The following ACBD3 variants were observed in gnomAD, a reference collection of about 807,000 sequenced individuals.
The protein encoded by ACBD3 is Golgi resident protein GCP60.
Under a neutral mutation model 66.9 loss-of-function variants are expected in ACBD3, and 30 were observed. The observed-to-expected ratio is 0.45, with a 90% CI of 0.34 to 0.61. The LOEUF (loss-of-function observed/expected upper bound fraction) is 0.61. Among genes scored for constraint, ACBD3 ranks in the 20% least tolerant of loss-of-function variants. The pLI is 0.02. For synonymous variants in ACBD3, 278 were observed against 259.8 expected (o/e 1.07, Z -0.68); for missense variants, 544 against 664.5 (o/e 0.82, Z 1.99).
chr1:226,147,456 C>T (rs963792139), intron 7 of ACBD3, among the ~76,000 whole-genome samples: 5 of 152,158 alleles, frequency 3.3e-5, no homozygotes, highest in Non-Finnish European at 7.3e-5. Context: ...CTTTCCATAG[C>T]CATTCAATTC....
chr1:226,182,027 T>G (rs1320390833), intron 1 of ACBD3, among the ~76,000 whole-genome samples: 1 of 151,682 alleles, frequency 6.6e-6, no homozygotes, highest in Admixed American at 6.6e-5. Flanking sequence ...GCTCAGGAGC[T>G]AAAGACCAGC....
At chr1:226,183,777 G>A (rs1275987202) in intron 1 of ACBD3, among the ~76,000 whole-genome samples, 49 of 151,808 alleles carry the variant, frequency 3.2e-4, no homozygotes, top group Admixed American at 6.6e-5. Flanking sequence ...TCAGCTACTC[G>A]GGAGGCAGAG....
intron 1 of ACBD3, among the ~76,000 whole-genome samples, chr1:226,168,837 G>C (rs1057069206): frequency 6.6e-6 from 1 of 152,074 alleles, no homozygotes; most frequent in South Asian, 2.1e-4. Flanking sequence ...AATTATTAGA[G>C]AAACACAGCC....
intron 1 of ACBD3, among the ~76,000 whole-genome samples, chr1:226,182,116 A>G (rs1019723977): frequency 3.3e-5 from 5 of 152,086 alleles, no homozygotes; most frequent in African/African-American, 1.2e-4. Flanking sequence ...CTGTGGTCCC[A>G]GTCACACAGG....
chr1:226,146,759 C>A lies in ACBD3; in HGVS notation c.1438G>T (p.Val480Leu). The A allele has an allele frequency of 6.2e-7, 1 of 1,614,162 alleles. No individual in the cohort carries two copies. Among genetic ancestry groups the A allele is most frequent in the Non-Finnish European group, 8.5e-7 (1 of 1,180,030 alleles). ...NANKPLLDEI[V>L]PVYRRDCHEE... ...TGACAGTCCCGTCGGTACACAGGCA[C>A]AATCTCATCCAGCAAAGGCTTGTTG... Residue 480 changes from valine (V) to leucine (L), a missense_variant, in exon 8 of 8, where the codon GTG (valine) becomes TTG (leucine). Physicochemically the swap from Val to Leu is conservative, Grantham distance 32. Coordinates refer to ENST00000366812, the MANE Select transcript of ACBD3 (RefSeq NM_022735.4).
Position 226,152,602 on chromosome 1 carries a change from C to T in ACBD3, c.1108G>A (p.Ala370Thr). ...GGTCGTGTCCACATGGATGGAGCTG[C>T]TATTACTGGAAGAGATTCTAAAGGC... ...NGPKESLPVIAAPSMWTRPQI... is the reference protein window; with the variant it reads ...NGPKESLPVITAPSMWTRPQI... Residue 370 changes from alanine (A) to threonine (T), a missense_variant, in exon 7 of 8, where the codon GCA becomes ACA. Ala to Thr is a moderately conservative substitution (Grantham distance 58). This residue lies in a region of ACBD3 where 383 missense variants were observed against 462.4 expected (regional missense o/e 0.83). Transcript: ENST00000366812. 1.2e-6 allele frequency: 2 copies of T among 1,613,908 alleles called. No homozygotes were observed. The highest frequency in any genetic ancestry group is 1.7e-6 in the Non-Finnish European group (2 of 1,179,898).
intron 1 of ACBD3, among the ~76,000 whole-genome samples, chr1:226,174,681 G>A (rs544400408): frequency 1.1e-4 from 17 of 152,076 alleles, no homozygotes; most frequent in Non-Finnish European, 2.2e-4. Context: ...CAGGAGAATC[G>A]CCTGAACCCG....
At position 226,166,145 on chromosome 1, in the gene ACBD3, T is replaced by G. The variant is rs181932955; in HGVS notation, c.287-145A>C. ...ACTAATAGTGAAATTTTTATTTCAA[T>G]TACTACTTTTAAAAAATTTTTTTAT... On this transcript the variant is annotated intron_variant, in intron 1 of 7. Transcript: ENST00000366812. 480 of 980,134 alleles carry G rather than the reference T, an allele frequency of 4.9e-4. 1 individual carries two copies. The highest frequency in any genetic ancestry group is 1.1e-3 in the Admixed American group (31 of 29,196). The allele number at this position is 980,134 out of a possible 1,614,324, so 60.7% of individuals were successfully genotyped here.
At chr1:226,175,441 A>G (rs1162863537) in intron 1 of ACBD3, among the ~76,000 whole-genome samples, 1 of 152,204 alleles carries the variant, frequency 6.6e-6, no homozygotes, top group Admixed American at 6.5e-5. Context: ...CACAAACACT[A>G]AGACTGATTC....
intron 5 of ACBD3, among the ~76,000 whole-genome samples, chr1:226,157,241 G>T (rs1030298716): frequency 4.8e-5 from 3 of 62,284 alleles, no homozygotes; most frequent in African/African-American, 2.1e-4. Context: ...CTCAATTATG[G>T]ATTTTTTTTT....
In ACBD3 at chr1:226,145,121, T is replaced by G. The variant is rs2102770444; in HGVS notation, c.*1489A>C. The G allele has an allele frequency of 6.6e-6, 1 of 151,708 alleles. No homozygotes were observed. The highest frequency in any genetic ancestry group is 1.5e-5 in the Non-Finnish European group (1 of 67,832). 9.4% of individuals were successfully genotyped at this position (151,708 alleles called of 1,614,324 possible). A position where few individuals can be genotyped will look rare whatever the true frequency, so the allele number is the denominator to read the frequency against. On this transcript the variant is annotated 3_prime_UTR_variant, in exon 8 of 8. Coordinates refer to ENST00000366812, the MANE Select transcript of ACBD3 (RefSeq NM_022735.4). ...CCTATGAGCTGGGACTACTTCTGAA[T>G]CAAAATTAAAAAACACAAATTAAGC...
intron 1 of ACBD3, among the ~76,000 whole-genome samples, chr1:226,184,954 CAAAAAAAA>C (rs56165469): frequency 1.1e-5 from 1 of 91,184 alleles, no homozygotes; most frequent in African/African-American, 4.3e-5. Context: ...GACTCCAGCT[CAAAAAAAA>C]AAAAAAAAAG....
chr1:226,184,737 G>A (rs540459351), intron 1 of ACBD3, among the ~76,000 whole-genome samples: 4 of 151,590 alleles, frequency 2.6e-5, no homozygotes, highest in African/African-American at 9.7e-5. Flanking sequence ...TCACTTTGTC[G>A]CCCAGGATGG....
intron 1 of ACBD3, among the ~76,000 whole-genome samples, chr1:226,186,069 C>T (rs1185767107): frequency 6.6e-6 from 1 of 152,234 alleles, no homozygotes; most frequent in East Asian, 1.9e-4. Flanking sequence ...GAATGGGATC[C>T]TTTGGAAGAA....
At chr1:226,162,085 C>T (rs1485044465) in intron 3 of ACBD3, among the ~76,000 whole-genome samples, 2 of 152,162 alleles carry the variant, frequency 1.3e-5, no homozygotes, top group East Asian at 1.9e-4. Context: ...AAACTAGATG[C>T]TCCATAGGGG....
chr1:226,180,204 C>T (rs1474669515), intron 1 of ACBD3, among the ~76,000 whole-genome samples: 2 of 150,874 alleles, frequency 1.3e-5, no homozygotes. Context: ...TAATACAATG[C>T]AGTATTCCTA....
intron 1 of ACBD3, among the ~76,000 whole-genome samples, chr1:226,173,287 C>G (rs535210436): frequency 7.9e-5 from 12 of 152,098 alleles, no homozygotes; most frequent in Non-Finnish European, 1.5e-4. Context: ...AAACAAAATT[C>G]AAAATGTTAA....
Position 226,161,569 on chromosome 1 carries a change from TCTC to T in ACBD3, c.687_689del (p.Arg231del). ...ACCGAAGCCTTTCTTCTTCTATCCGTCTCCTTTCCTCTTCCTCCCGTCGAAGCC... is the reference window on the plus strand; with the variant it reads ...ACCGAAGCCTTTCTTCTTCTATCCGTCTTTCCTCTTCCTCCCGTCGAAGCC... On this transcript the variant is annotated inframe_deletion, in exon 4 of 8. Transcript: ENST00000366812. The T allele has an allele frequency of 1.9e-6, 3 of 1,614,048 alleles. No homozygotes were observed. The highest frequency in any genetic ancestry group is 2.5e-6 in the Non-Finnish European group (3 of 1,180,016).
intron 3 of ACBD3, among the ~76,000 whole-genome samples, chr1:226,162,555 A>T (rs1381274167): frequency 6.6e-6 from 1 of 152,132 alleles, no homozygotes; most frequent in Non-Finnish European, 1.5e-5. Flanking sequence ...CCCTTCCAAA[A>T]AGAACAGATC....
Sources: gnomAD v4.1 joint callset for allele counts (sites outside exome capture counted in the v4.1 genomes callset) on GRCh38, gnomAD v4.1.1 for gene constraint, gnomAD v4.1.1 regional missense constraint, MANE v1.5 for transcripts, NCBI Gene and HGNC (gene_info 2026-07-23, HGNC 2026-07-21) for gene names.